Variants in EPB41L4A observed in about 807,000 individuals in gnomAD.
The protein encoded by EPB41L4A is band 4.1-like protein 4A.
EPB41L4A carries 100 observed loss-of-function variants against 108.6 expected under a neutral mutation model. The ratio of observed to expected loss-of-function variants is 0.92; its 90% confidence interval spans 0.78 to 1.09. The LOEUF (loss-of-function observed/expected upper bound fraction) is 1.09, where lower values mean the gene tolerates loss of function less well. Ranked by LOEUF, EPB41L4A falls within the 50% of genes least tolerant of loss-of-function variation. EPB41L4A has a pLI of 0.00. For synonymous variants in EPB41L4A, 319 were observed against 289.0 expected (o/e 1.10, Z -1.05); for missense variants, 1,030 against 842.7 (o/e 1.22, Z -2.75).
intron 9 of EPB41L4A, among the ~76,000 whole-genome samples, chr5:112,245,484 A>G (rs1750139216): frequency 6.6e-6 from 1 of 152,214 alleles, no homozygotes. Flanking sequence ...AAGAGATGTG[A>G]TGGAAACAAA....
chr5:112,360,771 T>A (rs1758678816), intron 1 of EPB41L4A, among the ~76,000 whole-genome samples: 1 of 151,076 alleles, frequency 6.6e-6, no homozygotes, highest in Non-Finnish European at 1.5e-5. Flanking sequence ...CCGGTCGTCA[T>A]CCCGTCTAGG....
intron 12 of EPB41L4A, among the ~76,000 whole-genome samples, chr5:112,233,569 C>A (rs946311156): frequency 6.6e-6 from 1 of 152,006 alleles, no homozygotes; most frequent in Non-Finnish European, 1.5e-5. Context: ...CTCAATAGTG[C>A]TCCTTTTTTT....
chr5:112,183,709 C>T (rs11948718), intron 18 of EPB41L4A, among the ~76,000 whole-genome samples: 5,041 of 152,296 alleles, frequency 0.033, 314 homozygotes, highest in African/African-American at 0.11. Context: ...ATTTCACCAA[C>T]AGCCTGGCTC....
intron 1 of EPB41L4A, among the ~76,000 whole-genome samples, chr5:112,413,223 T>C (rs944433434): frequency 6.6e-6 from 1 of 152,216 alleles, no homozygotes; most frequent in African/African-American, 2.4e-5. Flanking sequence ...ACAAAAACGG[T>C]GTGATTCATG....
At chr5:112,236,459 C>T (rs1217328802) in intron 11 of EPB41L4A, among the ~76,000 whole-genome samples, 1 of 152,218 alleles carries the variant, frequency 6.6e-6, no homozygotes, top group Admixed American at 6.5e-5. Context: ...CTTGCAGCCT[C>T]ATTTTCCTCA....
At chr5:112,169,297 G>C (rs757285442) in intron 20 of EPB41L4A, among the ~76,000 whole-genome samples, 192 bp from the exon 21 acceptor site, 5 of 152,130 alleles carry the variant, frequency 3.3e-5, no homozygotes, top group African/African-American at 1.2e-4. Flanking sequence ...ATGTGAAAAT[G>C]AAGCTCTTTA....
At chr5:112,154,488 C>T (rs1363862066) in intron 12 of EPB41L4A, among the ~76,000 whole-genome samples, 1 of 151,878 alleles carries the variant, frequency 6.6e-6, no homozygotes, top group Non-Finnish European at 1.5e-5. Context: ...AATCAAATGC[C>T]CACAATAAAG....
At chr5:112,284,090 C>T (rs1378127752) in intron 2 of EPB41L4A, among the ~76,000 whole-genome samples, 1 of 152,092 alleles carries the variant, frequency 6.6e-6, no homozygotes, top group African/African-American at 2.4e-5. Flanking sequence ...CAATTGAACA[C>T]CCTATTGAAG....
intron 1 of EPB41L4A, among the ~76,000 whole-genome samples, chr5:112,394,095 T>A (rs952907948): frequency 6.6e-6 from 1 of 152,122 alleles, no homozygotes; most frequent in Admixed American, 6.5e-5. Context: ...TAACTCAAAA[T>A]AATAAGAGCT....
chr5:112,393,827 T>C (rs879155326), intron 1 of EPB41L4A, among the ~76,000 whole-genome samples: 3 of 152,118 alleles, frequency 2.0e-5, no homozygotes, highest in African/African-American at 4.8e-5. Flanking sequence ...TGAACATCGA[T>C]GCAAAAATCC....
At chr5:112,249,419 C>T (rs960305560) in intron 9 of EPB41L4A, among the ~76,000 whole-genome samples, 2 of 152,150 alleles carry the variant, frequency 1.3e-5, no homozygotes, top group Non-Finnish European at 2.9e-5. Flanking sequence ...TATTCTCCAA[C>T]TGGAAATAGA....
chr5:112,196,032 T>A (rs1289845920), intron 15 of EPB41L4A, among the ~76,000 whole-genome samples: 1 of 152,186 alleles, frequency 6.6e-6, no homozygotes, highest in Non-Finnish European at 1.5e-5. Context: ...TCATCTCACT[T>A]GGATGCCCTT....
chr5:112,225,989 G>A lies in EPB41L4A; in HGVS notation c.1087+8645C>T, dbSNP rs562559684. On this transcript the variant is annotated intron_variant, in intron 12 of 22. Transcript: ENST00000261486. ...GTGTCTAGCACAGTGCCAAGCACAT[G>A]GTAATGCTCAGCGATCATTAGTCCT... 2.6e-5 allele frequency among the ~76,000 whole-genome samples: 4 copies of A among 152,304 alleles called. No individual in the cohort carries two copies. The South Asian group carries it at 8.3e-4, about 32-fold the overall frequency.
At chr5:112,313,844 A>G (rs1755212287) in intron 1 of EPB41L4A, among the ~76,000 whole-genome samples, 3 of 151,320 alleles carry the variant, frequency 2.0e-5, no homozygotes, top group Admixed American at 2.0e-4. Context: ...ACCGCTCCAA[A>G]AAAAGGTAAC....
At chr5:112,229,556 A>AC (rs1371603806) in intron 12 of EPB41L4A, among the ~76,000 whole-genome samples, 1 of 150,874 alleles carries the variant, frequency 6.6e-6, no homozygotes, top group Non-Finnish European at 1.5e-5. Flanking sequence ...TTTATCCCTC[A>AC]CCCCCTCCTA....
intron 17 of EPB41L4A, among the ~76,000 whole-genome samples, chr5:112,185,400 T>C (rs1445495054): frequency 6.6e-6 from 1 of 152,190 alleles, no homozygotes; most frequent in Non-Finnish European, 1.5e-5. Context: ...TGCAAATCAG[T>C]GGATGGGTGA....
intron 1 of EPB41L4A, among the ~76,000 whole-genome samples, chr5:112,332,537 C>T (rs1224458958): frequency 3.3e-5 from 5 of 152,212 alleles, no homozygotes; most frequent in African/African-American, 4.8e-5. Flanking sequence ...CTGAATGACA[C>T]CCCAGACTCT....
chr5:112,409,409 G>A (rs13168868), intron 1 of EPB41L4A, among the ~76,000 whole-genome samples: 16,966 of 151,952 alleles, frequency 0.11, 1,248 homozygotes, highest in Non-Finnish European at 0.16. Flanking sequence ...ATTGATTGTG[G>A]TGATGGCTGC....
At chr5:112,330,902 G>C (rs1293478203) in intron 1 of EPB41L4A, among the ~76,000 whole-genome samples, 3 of 152,158 alleles carry the variant, frequency 2.0e-5, no homozygotes, top group Non-Finnish European at 2.9e-5. Flanking sequence ...AGGGTGAGGA[G>C]GGGCCTGCAC....
Sources: allele counts gnomAD v4.1 joint callset (sites outside exome capture counted in the v4.1 genomes callset), GRCh38; gene constraint gnomAD v4.1.1; transcripts MANE v1.5; gene names NCBI Gene and HGNC (gene_info 2026-07-23, HGNC 2026-07-21).